The following SYT2 variants were observed in gnomAD, a reference collection of about 807,000 sequenced individuals.
SYT2 encodes the protein synaptotagmin-2.
A neutral mutation model predicts 39.9 loss-of-function variants in SYT2; 15 were observed. The ratio of observed to expected loss-of-function variants is 0.38; its 90% CI spans 0.25 to 0.58. SYT2 has a LOEUF of 0.58. Among genes scored for constraint, SYT2 ranks in the 20% least tolerant of loss-of-function variants. The pLI, the probability that SYT2 is intolerant of heterozygous loss-of-function variation, is 0.70. For missense variants in SYT2, 389 were observed against 530.3 expected (o/e 0.73, Z 2.62); for synonymous variants, 181 against 204.5 (o/e 0.89, Z 0.98).
chr1:202,677,647 C>T (rs1280766736), intron 1 of SYT2, among the ~76,000 whole-genome samples: 2 of 152,184 alleles, frequency 1.3e-5, no homozygotes, highest in African/African-American at 4.8e-5. Flanking sequence ...CCCAGCTGAG[C>T]CCTGCTCAAA....
At chr1:202,648,156 T>C (rs1187708984) in intron 1 of SYT2, among the ~76,000 whole-genome samples, 1 of 152,198 alleles carries the variant, frequency 6.6e-6, no homozygotes, top group Non-Finnish European at 1.5e-5. Context: ...CTGGACATAA[T>C]AAGGGCACAG....
At position 202,629,030 on chromosome 1, in the gene SYT2, G is replaced by A. The variant is rs534743538; in HGVS notation, c.-17-23241C>T. On this transcript the variant is annotated intron_variant, in intron 1 of 8. Coordinates refer to ENST00000367268, the MANE Select transcript of SYT2 (RefSeq NM_177402.5). ...AAAGCATGGTATTATGGCCATGGCC[G>A]GTTCCTGAGCCAGGCTGGGCACGGG... Among the ~76,000 whole-genome samples the A allele has an allele frequency of 1.1e-4, 17 of 152,368 alleles. 1 individual carries two copies. In the South Asian group the frequency reaches 2.9e-3, roughly 26 times the overall value.
chr1:202,591,779 G>C lies in SYT2; in HGVS notation c.*4978C>G, dbSNP rs1348896483. ...AAGCAGGGATGGTTCTGTCATCCCT[G>C]GCTGAGCTGCTGACTGGCTGCTCCT... On this transcript the variant is annotated 3_prime_UTR_variant, in exon 9 of 9. Transcript: ENST00000367268. 2 of 152,748 alleles carry C rather than the reference G, an allele frequency of 1.3e-5. No individual in the cohort carries two copies. The highest frequency in any genetic ancestry group is 4.8e-5 in the African/African-American group (2 of 41,426). 9.5% of individuals were successfully genotyped at this position (152,748 alleles called of 1,614,324 possible).
At chr1:202,637,915 G>A (rs1691785608) in intron 1 of SYT2, among the ~76,000 whole-genome samples, 2 of 152,234 alleles carry the variant, frequency 1.3e-5, no homozygotes, top group South Asian at 2.1e-4. Flanking sequence ...CCCCTTCAGG[G>A]GCAGGTAACA....
intron 1 of SYT2, among the ~76,000 whole-genome samples, chr1:202,617,450 G>T (rs1199011367): frequency 2.0e-5 from 3 of 151,836 alleles, no homozygotes; most frequent in Admixed American, 2.0e-4. Context: ...CCCCATGATT[G>T]TAAGTTTCCT....
intron 1 of SYT2, among the ~76,000 whole-genome samples, chr1:202,664,927 G>A (rs1404408900): frequency 1.3e-5 from 2 of 152,196 alleles, no homozygotes; most frequent in East Asian, 3.9e-4. Context: ...CCAAAGTGCT[G>A]GGATTACAGG....
At chr1:202,597,652 C>T (rs12404552) in intron 8 of SYT2, among the ~76,000 whole-genome samples, 14,615 of 151,960 alleles carry the variant, frequency 0.096, 1,096 homozygotes, top group East Asian at 0.35. Context: ...GGACTCCTGA[C>T]GACTTTAAGA....
intron 1 of SYT2, chr1:202,627,375 A>C (rs1691446239): frequency 3.5e-6 from 3 of 857,552 alleles, no homozygotes; most frequent in South Asian, 1.1e-4. Context: ...CTCACCAGGA[A>C]CTGCCCCCCA....
At chr1:202,657,374 C>A (rs1389880836) in intron 1 of SYT2, among the ~76,000 whole-genome samples, 2 of 152,230 alleles carry the variant, frequency 1.3e-5, no homozygotes, top group Admixed American at 1.3e-4. Context: ...CTCTCTTCTC[C>A]CAGTGAGATC....
At chr1:202,693,365 A>G (rs1653888118) in intron 1 of SYT2, among the ~76,000 whole-genome samples, 1 of 152,168 alleles carries the variant, frequency 6.6e-6, no homozygotes, top group South Asian at 2.1e-4. Flanking sequence ...GACCATGGGG[A>G]AGGGTACAGT....
intron 1 of SYT2, among the ~76,000 whole-genome samples, chr1:202,616,455 C>T (rs1691036166): frequency 6.6e-6 from 1 of 152,128 alleles, no homozygotes; most frequent in South Asian, 2.1e-4. Context: ...GCCTTGTTCT[C>T]CCCTTCGTGA....
At chr1:202,617,666 G>C (rs1256225303) in intron 1 of SYT2, among the ~76,000 whole-genome samples, 1 of 151,912 alleles carries the variant, frequency 6.6e-6, no homozygotes, top group African/African-American at 2.4e-5. Context: ...CACACCCATG[G>C]CTCCCTCCTC....
At chr1:202,603,568 TG>T (rs1180230324) in intron 3 of SYT2, among the ~76,000 whole-genome samples, 2 of 151,248 alleles carry the variant, frequency 1.3e-5, no homozygotes, top group Admixed American at 6.6e-5. Context: ...CCCACAGAGG[TG>T]GAGAGAGAAA....
intron 1 of SYT2, among the ~76,000 whole-genome samples, chr1:202,690,648 C>T (rs951418966): frequency 2.0e-5 from 3 of 152,204 alleles, no homozygotes; most frequent in Non-Finnish European, 2.9e-5. Flanking sequence ...AGTCTCTGGA[C>T]GGTTCTAATT....
intron 3 of SYT2, 92 bp downstream of exon 3, chr1:202,604,363 G>C (rs915041865): frequency 5.9e-6 from 8 of 1,351,782 alleles, no homozygotes; most frequent in Non-Finnish European, 8.3e-6. Context: ...AGGTTTGGCT[G>C]TGGAAGCCCA....
chr1:202,672,975 G>A (rs974783390), intron 1 of SYT2, among the ~76,000 whole-genome samples: 9 of 151,894 alleles, frequency 5.9e-5, no homozygotes, highest in South Asian at 2.1e-4. Flanking sequence ...ATGTAGAGCC[G>A]AAATAACCAA....
intron 8 of SYT2, among the ~76,000 whole-genome samples, chr1:202,598,466 A>G (rs1439530635): frequency 6.6e-6 from 1 of 152,190 alleles, no homozygotes; most frequent in Non-Finnish European, 1.5e-5. Flanking sequence ...ACACATCTCC[A>G]TAGATGACAG....
At chr1:202,619,446 G>T (rs1572629797) in intron 1 of SYT2, among the ~76,000 whole-genome samples, 1 of 152,202 alleles carries the variant, frequency 6.6e-6, no homozygotes, top group Non-Finnish European at 1.5e-5. Context: ...GGTCTGGGAG[G>T]CCCCAACAAG....
intron 1 of SYT2, among the ~76,000 whole-genome samples, chr1:202,659,514 C>A (rs1379667088): frequency 6.6e-6 from 1 of 152,144 alleles, no homozygotes; most frequent in Non-Finnish European, 1.5e-5. Context: ...GTCAGGCTGG[C>A]AGTGTGTGGC....
Sources: gnomAD v4.1 joint callset for allele counts (sites outside exome capture counted in the v4.1 genomes callset) on GRCh38, gnomAD v4.1.1 for gene constraint, MANE v1.5 for transcripts, NCBI Gene and HGNC (gene_info 2026-07-23, HGNC 2026-07-21) for gene names.